Variants in ANKRD42 observed in about 807,000 individuals in gnomAD.
The protein encoded by ANKRD42 is ankyrin repeat domain 42.
Under a neutral mutation model 51.5 loss-of-function variants are expected in ANKRD42, and 43 were observed. That is an observed-to-expected ratio of 0.83 (90% CI 0.65 to 1.08). The LOEUF (loss-of-function observed/expected upper bound fraction) is 1.08, where lower values mean the gene tolerates loss of function less well. Ranked by LOEUF, ANKRD42 falls within the 50% of genes least tolerant of loss-of-function variation. The probability of loss-of-function intolerance (pLI) is 0.00; values close to 1 mark genes in which losing one functional copy is unlikely to be tolerated. For synonymous variants in ANKRD42, 203 were observed against 213.0 expected, an observed-to-expected ratio of 0.95 and a Z score of 0.41; for missense variants, 608 against 629.3, an observed-to-expected ratio of 0.97 and a Z score of 0.36.
chr11:83,229,720 C>A (rs1200700312), intron 7 of ANKRD42, among the ~76,000 whole-genome samples: 1 of 152,150 alleles, frequency 6.6e-6, no homozygotes, highest in African/African-American at 2.4e-5. Flanking sequence ...TTGCTCTTCA[C>A]CCTCTTTTCG....
intron 7 of ANKRD42, among the ~76,000 whole-genome samples, chr11:83,232,173 A>G (rs1022128500): frequency 4.0e-5 from 6 of 149,374 alleles, no homozygotes; most frequent in African/African-American, 1.5e-4. Flanking sequence ...ATGAATCTGT[A>G]GATTGTTTTG....
At chr11:83,249,262 G>A (rs932622709), downstream of ANKRD42, among the ~76,000 whole-genome samples, 2 of 152,168 alleles carry the variant, frequency 1.3e-5, no homozygotes, top group South Asian at 2.1e-4. Context: ...CTTCAATGCA[G>A]TGGTGCCATC....
At position 83,198,485 on chromosome 11, in the gene ANKRD42, G is replaced by A; in HGVS notation, c.65G>A (p.Arg22Lys). 18 of 1,611,738 alleles carry A rather than the reference G, an allele frequency of 1.1e-5. No individual in the cohort carries two copies. The highest frequency in any genetic ancestry group is 1.4e-5 in the Non-Finnish European group (17 of 1,178,716). ...SSRETANPCS[R>K]KKVHFGSIHD... ...TAATTTGATTTTTCAATAGGTTCCA[G>A]GAAGAAGGTGCATTTTGGCAGCATA... is the stretch of plus-strand genomic sequence containing the variant. Residue 22 changes from arginine to lysine, a missense_variant, in exon 2 of 11, where the codon AGG (arginine) becomes AAG (lysine). Arg to Lys is a conservative substitution (Grantham distance 26). Transcript: ENST00000533342.
intron 4 of ANKRD42, 132 bp from the exon 5 acceptor site, chr11:83,211,162 AT>A (rs35225650): frequency 4.3e-6 from 5 of 1,150,988 alleles, no homozygotes; most frequent in East Asian, 4.7e-5. Context: ...GTTGCAGTAC[AT>A]TTTTCTATTA....
At chr11:83,256,573 T>G (rs1463160547), downstream of ANKRD42, among the ~76,000 whole-genome samples, 1 of 152,126 alleles carries the variant, frequency 6.6e-6, no homozygotes, top group South Asian at 2.1e-4. Context: ...TCTCTTCTCT[T>G]CCCTCCATGA....
In ANKRD42 at chr11:83,206,045, G is replaced by T. The variant is rs1389558722; in HGVS notation, c.223-13G>T. ...ATCCACTTTATCACTTGTTAACATG[G>T]TTATTTTCTTAGTGTCTTCATTGGC... On this transcript the variant is annotated splice_polypyrimidine_tract_variant and intron_variant, in intron 2 of 10. Coordinates refer to ENST00000533342, the MANE Select transcript of ANKRD42 (RefSeq NM_001300975.2). 1 of 1,603,718 alleles carries T rather than the reference G, an allele frequency of 6.2e-7. No homozygotes were observed. The highest frequency in any genetic ancestry group is 1.1e-5 in the South Asian group (1 of 90,438).
At chr11:83,249,192 G>A (rs913668199), downstream of ANKRD42, among the ~76,000 whole-genome samples, 1 of 152,110 alleles carries the variant, frequency 6.6e-6, no homozygotes, top group Admixed American at 6.5e-5. Context: ...AAGGTAAGTT[G>A]TAAGTTGTTG....
At chr11:83,257,257 G>A (rs149073864), downstream of ANKRD42, 337 of 454,726 alleles carry the variant, frequency 7.4e-4, 1 homozygote, top group African/African-American at 6.2e-3. Flanking sequence ...GGAAGTCTGG[G>A]GTATGGTGAG....
chr11:83,220,676 G>A (rs1862692985), intron 5 of ANKRD42, among the ~76,000 whole-genome samples: 2 of 152,130 alleles, frequency 1.3e-5, no homozygotes, highest in South Asian at 4.1e-4. Context: ...GTTTTGTTTT[G>A]TTTCCTTTCA....
intron 2 of ANKRD42, among the ~76,000 whole-genome samples, chr11:83,201,231 T>G (rs546956892): frequency 1.3e-5 from 2 of 151,714 alleles, no homozygotes; most frequent in South Asian, 2.1e-4. Flanking sequence ...CTTCCACTTA[T>G]GAGTGAGAAC....
downstream of ANKRD42, among the ~76,000 whole-genome samples, chr11:83,258,714 C>G (rs1010698436): frequency 6.6e-6 from 1 of 152,050 alleles, no homozygotes; most frequent in Non-Finnish European, 1.5e-5. Flanking sequence ...ATGACTACAG[C>G]CTTTCCCACT....
chr11:83,227,676 T>C, intron 6 of ANKRD42, 71 bp from the exon 7 acceptor site: 9 of 1,491,100 alleles, frequency 6.0e-6, no homozygotes, highest in Non-Finnish European at 8.1e-6. Flanking sequence ...ACCTGAAATA[T>C]ATGACAGCTT....
At chr11:83,226,289 A>T (rs1191639437) in intron 6 of ANKRD42, among the ~76,000 whole-genome samples, 5 of 152,170 alleles carry the variant, frequency 3.3e-5, no homozygotes, top group Non-Finnish European at 5.9e-5. Context: ...CATATAGGTG[A>T]TGCTTAATAA....
At chr11:83,210,499 G>C in intron 4 of ANKRD42, 80 bp downstream of exon 4, 1 of 1,489,552 alleles carries the variant, frequency 6.7e-7, no homozygotes, top group Non-Finnish European at 9.1e-7. Context: ...ATCTCTTCCT[G>C]ACTTTTTAGA....
At chr11:83,205,781 A>T (rs1590966550) in intron 2 of ANKRD42, among the ~76,000 whole-genome samples, 1 of 152,198 alleles carries the variant, frequency 6.6e-6, no homozygotes, top group South Asian at 2.1e-4. Flanking sequence ...TAAGCATTTC[A>T]CTCATAGCAA....
At chr11:83,223,470 A>G (rs1488695097) in intron 5 of ANKRD42, among the ~76,000 whole-genome samples, 1 of 152,146 alleles carries the variant, frequency 6.6e-6, no homozygotes, top group Non-Finnish European at 1.5e-5. Context: ...TTGATGGATT[A>G]GATGTGGGGA....
chr11:83,245,380 C>G (rs769873287), intron 9 of ANKRD42, 118 bp from the exon 10 acceptor site: 18 of 1,105,496 alleles, frequency 1.6e-5, no homozygotes, highest in East Asian at 7.8e-5. Context: ...CTCCACCCCC[C>G]TCTCCAAACC....
intron 2 of ANKRD42, among the ~76,000 whole-genome samples, chr11:83,204,549 G>C (rs1861995138): frequency 6.6e-6 from 1 of 152,004 alleles, no homozygotes; most frequent in Admixed American, 6.6e-5. Flanking sequence ...TTTGGGAGAT[G>C]GGTTCAATAG....
At chr11:83,225,782 GAA>G (rs59860833) in intron 6 of ANKRD42, among the ~76,000 whole-genome samples, 31,360 of 88,112 alleles carry the variant, frequency 0.36, 4,744 homozygotes, top group African/African-American at 0.5. Flanking sequence ...CTCCATCCTG[GAA>G]AAAAAAAAAA....
Sources: allele counts gnomAD v4.1 joint callset (sites outside exome capture counted in the v4.1 genomes callset), GRCh38; gene constraint gnomAD v4.1.1; transcripts MANE v1.5; gene names NCBI Gene and HGNC (gene_info 2026-07-23, HGNC 2026-07-21).